Variants in PRELID2 observed in about 807,000 individuals in gnomAD.
The protein encoded by PRELID2 is PRELI domain-containing protein 2.
Under a neutral mutation model 28.4 loss-of-function variants are expected in PRELID2, and 25 were observed. That is an observed-to-expected ratio of 0.88 (90% CI 0.64 to 1.23). The LOEUF (loss-of-function observed/expected upper bound fraction) is 1.23. PRELID2 is among the 50% of genes most tolerant of loss of function. PRELID2 has a pLI of 0.00. For missense variants in PRELID2, 201 were observed against 214.4 expected, an observed-to-expected ratio of 0.94 and a Z score of 0.39; for synonymous variants, 76 against 71.6, an observed-to-expected ratio of 1.06 and a Z score of -0.31.
At chr5:145,408,740 GAAT>G in the PRELID2 span, among the ~76,000 whole-genome samples, 1 of 152,154 alleles carries the variant, frequency 6.6e-6, no homozygotes, top group African/African-American at 2.4e-5. Flanking sequence ...TCAGATGTAA[GAAT>G]AATTGGCATT....
the PRELID2 span, among the ~76,000 whole-genome samples, chr5:145,416,682 C>T: frequency 2.6e-5 from 4 of 151,900 alleles, no homozygotes; most frequent in African/African-American, 9.7e-5. Context: ...ATTGAATGCC[C>T]ACAACAAAAA....
the PRELID2 span, among the ~76,000 whole-genome samples, chr5:145,429,095 T>C: frequency 6.6e-6 from 1 of 152,142 alleles, no homozygotes; most frequent in Non-Finnish European, 1.5e-5. Context: ...ATGACTCTGA[T>C]ATTTAAAAGA....
chr5:145,504,931 C>T (rs939044951), intron 1 of PRELID2, among the ~76,000 whole-genome samples: 3 of 152,170 alleles, frequency 2.0e-5, no homozygotes, highest in Non-Finnish European at 2.9e-5. Context: ...GTTCACTTCA[C>T]ATTTTGGACA....
chr5:145,493,025 T>C (rs1752281378), intron 1 of PRELID2, among the ~76,000 whole-genome samples: 1 of 141,114 alleles, frequency 7.1e-6, no homozygotes, highest in Non-Finnish European at 1.6e-5. Context: ...TCAGCCACTA[T>C]GCTGCTTAGG....
At chr5:145,495,807 T>C (rs1752305024) in intron 1 of PRELID2, among the ~76,000 whole-genome samples, 1 of 152,200 alleles carries the variant, frequency 6.6e-6, no homozygotes, top group African/African-American at 2.4e-5. Context: ...TTATCTCTTT[T>C]AAGGTAGTAC....
chr5:145,722,825 A>G (rs1156783222), intron 1 of PRELID2, among the ~76,000 whole-genome samples: 1 of 152,162 alleles, frequency 6.6e-6, no homozygotes, highest in Non-Finnish European at 1.5e-5. Flanking sequence ...ATTTTAAAAA[A>G]TACAGTTTAC....
chr5:145,585,160 T>A (rs888242080), intron 1 of PRELID2, among the ~76,000 whole-genome samples: 3 of 152,112 alleles, frequency 2.0e-5, no homozygotes, highest in African/African-American at 7.2e-5. Context: ...GTGGAAGCCA[T>A]TATCCTCAGC....
intron 5 of PRELID2, among the ~76,000 whole-genome samples, chr5:145,768,418 T>C (rs1463277950): frequency 6.6e-6 from 1 of 152,174 alleles, no homozygotes; most frequent in Non-Finnish European, 1.5e-5. Flanking sequence ...GGGGATTAAA[T>C]GGTGAATGAA....
At chr5:145,418,713 T>G in the PRELID2 span, among the ~76,000 whole-genome samples, 1 of 148,920 alleles carries the variant, frequency 6.7e-6, no homozygotes, top group African/African-American at 2.5e-5. Context: ...ACTGAACCCC[T>G]TCCTTATACC....
the PRELID2 span, among the ~76,000 whole-genome samples, chr5:145,287,750 A>T: frequency 6.6e-6 from 1 of 152,134 alleles, no homozygotes; most frequent in Non-Finnish European, 1.5e-5. Flanking sequence ...CTATTAACTG[A>T]ATTCTATATC....
At position 145,741,632 on chromosome 5, in the gene PRELID2, T is replaced by TATATATAATTTATATATAA; in HGVS notation, n.70+23298_70+23299insTTATATATAAATTATATAT. On this transcript the variant is annotated intron_variant and non_coding_transcript_variant, in intron 1 of 2. Transcript: ENST00000510259. ...TTTATTTATATATAAATAATTTATT[T>TATATATAATTTATATATAA]ATAATTTATTTATATATAAATAATT... Among the ~76,000 whole-genome samples, 15 of 16,980 alleles carry TATATATAATTTATATATAA rather than the reference T, an allele frequency of 8.8e-4. 6 individuals are homozygous for TATATATAATTTATATATAA. The highest frequency in any genetic ancestry group is 2.5e-3 in the African/African-American group (15 of 6,106). The allele number at this position is 16,980 out of a possible 152,430, so 11.1% of individuals were successfully genotyped here. A position where few individuals can be genotyped will look rare whatever the true frequency, so the allele number is the denominator to read the frequency against.
At chr5:145,692,154 T>G (rs1755163894) in intron 1 of PRELID2, among the ~76,000 whole-genome samples, 1 of 152,070 alleles carries the variant, frequency 6.6e-6, no homozygotes, top group Admixed American at 6.5e-5. Context: ...TGCCACACAC[T>G]CCTTGAGGTT....
At chr5:145,322,448 AGTCTGAACAT>A in the PRELID2 span, among the ~76,000 whole-genome samples, 1 of 152,188 alleles carries the variant, frequency 6.6e-6, no homozygotes, top group Non-Finnish European at 1.5e-5. Flanking sequence ...AAAATTGAGA[AGTCTGAACAT>A]GTAGCATTGA....
intron 1 of PRELID2, among the ~76,000 whole-genome samples, chr5:145,536,729 G>A (rs1224783334): frequency 3.3e-5 from 5 of 151,802 alleles, no homozygotes; most frequent in African/African-American, 1.2e-4. Flanking sequence ...TTGGTTTTAA[G>A]GCCCATGTGA....
intron 1 of PRELID2, among the ~76,000 whole-genome samples, chr5:145,569,225 T>C (rs1487670679): frequency 6.6e-6 from 1 of 152,214 alleles, no homozygotes; most frequent in Non-Finnish European, 1.5e-5. Context: ...GTGTCTCAAA[T>C]GTTCATCTCA....
the PRELID2 span, among the ~76,000 whole-genome samples, chr5:145,289,369 CT>C: frequency 6.6e-6 from 1 of 152,142 alleles, no homozygotes; most frequent in African/African-American, 2.4e-5. Flanking sequence ...GCCTTCTAGA[CT>C]GGCTTCTGGA....
At chr5:145,365,316 T>G in the PRELID2 span, among the ~76,000 whole-genome samples, 1 of 151,994 alleles carries the variant, frequency 6.6e-6, no homozygotes, top group Non-Finnish European at 1.5e-5. Context: ...ATAGATTTAT[T>G]ATTTAGCTTG....
At position 145,757,328 on chromosome 5, in the gene PRELID2, A is replaced by AT. The variant is rs1223538804; in HGVS notation, c.*3207dup. 6.6e-6 allele frequency among the ~76,000 whole-genome samples: 1 copy of AT among 152,244 alleles called. No individual in the cohort carries two copies. Among genetic ancestry groups the AT allele is most frequent in the Non-Finnish European group, 1.5e-5 (1 of 68,046 alleles). On this transcript the variant is annotated 3_prime_UTR_variant, in exon 7 of 7. Coordinates refer to ENST00000683046, the MANE Select transcript of PRELID2 (RefSeq NM_205846.3). ...ATAGTTCAAGTCAGCTTCTCTCTGC[A>AT]TAAGAACTTTATACTGTGTCCTGAA...
chr5:145,415,605 T>C, the PRELID2 span, among the ~76,000 whole-genome samples: 735 of 150,946 alleles, frequency 4.9e-3, 1 homozygote, highest in Non-Finnish European at 8.1e-3. Context: ...ACAAAGGACA[T>C]GAACTCATCA....
Sources: allele counts gnomAD v4.1 joint callset (sites outside exome capture counted in the v4.1 genomes callset), GRCh38; gene constraint gnomAD v4.1.1; transcripts MANE v1.5; gene names NCBI Gene and HGNC (gene_info 2026-07-23, HGNC 2026-07-21).